Variants in PTPN12 observed in about 807,000 individuals in gnomAD.
PTPN12 encodes protein tyrosine phosphatase non-receptor type 12.
PTPN12 carries 29 observed loss-of-function variants against 97.6 expected under a neutral mutation model. The observed-to-expected ratio is 0.30, with a 90% CI of 0.22 to 0.41. The LOEUF is 0.41. Ranked by LOEUF, PTPN12 falls within the 10% of genes least tolerant of loss-of-function variation. The pLI is 1.00. For synonymous variants in PTPN12, 327 were observed against 300.4 expected (o/e 1.09, Z -0.91); for missense variants, 819 against 926.0 (o/e 0.88, Z 1.50).
At chr7:77,635,341 A>T (rs77567665) in intron 14 of PTPN12, among the ~76,000 whole-genome samples, 3 of 152,178 alleles carry the variant, frequency 2.0e-5, no homozygotes, top group Non-Finnish European at 4.4e-5. Context: ...AGATGGGAAG[A>T]TTGCCTGAGC....
chr7:77,613,838 A>G (rs1410859995), intron 11 of PTPN12, among the ~76,000 whole-genome samples: 1 of 152,110 alleles, frequency 6.6e-6, no homozygotes, highest in Non-Finnish European at 1.5e-5. Flanking sequence ...TCAGCCTCCC[A>G]AAGTGCAGGA....
intron 5 of PTPN12, among the ~76,000 whole-genome samples, chr7:77,589,212 A>G (rs2151341200): frequency 6.6e-6 from 1 of 152,232 alleles, no homozygotes. Context: ...TCTGTTTGTT[A>G]ATACCACAGT....
chr7:77,555,950 T>C (rs1408202006), intron 1 of PTPN12, among the ~76,000 whole-genome samples: 3 of 152,194 alleles, frequency 2.0e-5, no homozygotes, highest in African/African-American at 7.2e-5. Context: ...TTTTTGGTTA[T>C]TTCTTTGAAT....
rs533903332 is a variant in PTPN12, at chr7:77,554,408, C to T, written c.100-16670C>T. ...TGACAAAGTAACCCTAATTCTATCCCTTGTATCATTGCTGGCATTATCTCA... is the reference window on the plus strand; with the variant it reads ...TGACAAAGTAACCCTAATTCTATCCTTTGTATCATTGCTGGCATTATCTCA... On this transcript the variant is annotated intron_variant, in intron 1 of 17. Coordinates refer to ENST00000248594, the MANE Select transcript of PTPN12 (RefSeq NM_002835.4). Among the ~76,000 whole-genome samples, 5 of 152,308 alleles carry T rather than the reference C, an allele frequency of 3.3e-5. No homozygotes were observed. In the East Asian group the frequency reaches 7.7e-4, roughly 23 times the overall value.
At chr7:77,578,241 A>G (rs1787399350) in intron 2 of PTPN12, among the ~76,000 whole-genome samples, 1 of 152,188 alleles carries the variant, frequency 6.6e-6, no homozygotes, top group Non-Finnish European at 1.5e-5. Flanking sequence ...ATTACTGGCA[A>G]ACATGGTAAG....
intron 5 of PTPN12, 145 bp downstream of exon 5, chr7:77,585,726 A>G (rs185328708): frequency 3.4e-6 from 2 of 593,380 alleles, no homozygotes; most frequent in Admixed American, 3.4e-5. Context: ...CATACAAGGG[A>G]CAAAATAATC....
chr7:77,602,578 C>G (rs561766825), intron 8 of PTPN12, among the ~76,000 whole-genome samples: 1 of 151,616 alleles, frequency 6.6e-6, no homozygotes, highest in African/African-American at 2.4e-5. Flanking sequence ...ACCAATTACA[C>G]TACTGCACTC....
intron 9 of PTPN12, among the ~76,000 whole-genome samples, chr7:77,608,546 C>T (rs542763567): frequency 2.0e-5 from 3 of 152,150 alleles, no homozygotes; most frequent in African/African-American, 2.4e-5. Flanking sequence ...TCTAGAGAGG[C>T]GCCTTTAATC....
chr7:77,560,629 CAT>C (rs1352128169), intron 1 of PTPN12, among the ~76,000 whole-genome samples: 1 of 152,158 alleles, frequency 6.6e-6, no homozygotes, highest in Non-Finnish European at 1.5e-5. Flanking sequence ...CTAGGTGCCT[CAT>C]ATAATTAGGA....
chr7:77,564,475 T>C (rs1055785135), intron 1 of PTPN12, among the ~76,000 whole-genome samples: 5 of 152,100 alleles, frequency 3.3e-5, no homozygotes, highest in African/African-American at 1.2e-4. Flanking sequence ...GTGAACTATG[T>C]CCCAAACCTG....
chr7:77,637,383 G>C (rs1789631284), intron 16 of PTPN12, among the ~76,000 whole-genome samples: 2 of 152,100 alleles, frequency 1.3e-5, no homozygotes, highest in Non-Finnish European at 2.9e-5. Flanking sequence ...TGATGGAATT[G>C]CTTCTGTAGA....
intron 1 of PTPN12, among the ~76,000 whole-genome samples, chr7:77,568,064 T>C (rs1296491024): frequency 1.3e-5 from 2 of 152,358 alleles, no homozygotes; most frequent in East Asian, 1.9e-4. Flanking sequence ...TGGACCACTT[T>C]TGTATCTCTG....
At chr7:77,621,529 C>T (rs1330875647) in intron 12 of PTPN12, among the ~76,000 whole-genome samples, 3 of 152,110 alleles carry the variant, frequency 2.0e-5, no homozygotes, top group Non-Finnish European at 2.9e-5. Flanking sequence ...ATTAGCTGGG[C>T]GTTGTGGCGG....
intron 9 of PTPN12, among the ~76,000 whole-genome samples, chr7:77,607,596 TA>T (rs1056766717): frequency 1.3e-5 from 2 of 152,282 alleles, no homozygotes; most frequent in East Asian, 1.9e-4. Flanking sequence ...AAAATGATTA[TA>T]AAAAATAAAG....
chr7:77,563,480 T>TG (rs142320794), intron 1 of PTPN12, among the ~76,000 whole-genome samples: 102 of 152,352 alleles, frequency 6.7e-4, no homozygotes, highest in African/African-American at 2.4e-3. Flanking sequence ...AAGTGGATGA[T>TG]GGGCCTGTAT....
At chr7:77,545,516 C>A (rs1273125923) in intron 1 of PTPN12, among the ~76,000 whole-genome samples, 2 of 152,030 alleles carry the variant, frequency 1.3e-5, no homozygotes, top group East Asian at 3.9e-4. Flanking sequence ...AAGTGCTGCT[C>A]CTTTTTCAAA....
Position 77,638,664 on chromosome 7 carries a change from A to G in PTPN12, c.2214A>G (p.Glu738=), listed in dbSNP as rs774849913. ...AGGIHYEMCI[E]CPPTFSDKRE... ...GTATTCACTATGAAATGTGCATAGA[A>G]TGTCCACCTACTTTCAGTGACAAGA... The change falls in exon 17 of 18, where the codon GAA becomes GAG. Residue 738 remains glutamate, a synonymous_variant. Transcript: ENST00000248594. 5 of 1,607,530 alleles carry G rather than the reference A, an allele frequency of 3.1e-6. No homozygotes were observed. The South Asian group carries it at 5.6e-5, about 18-fold the overall frequency.
intron 1 of PTPN12, chr7:77,545,766 G>GTAC (rs1807186281): frequency 1.3e-5 from 2 of 151,992 alleles, no homozygotes; most frequent in Admixed American, 1.3e-4. Context: ...TAATGTCACA[G>GTAC]TACCTTTCCA....
chr7:77,557,965 C>G (rs370068405), intron 1 of PTPN12, among the ~76,000 whole-genome samples: 1 of 152,024 alleles, frequency 6.6e-6, no homozygotes, highest in African/African-American at 2.4e-5. Context: ...AATTCTAGCA[C>G]TTTGGGAGGC....
Sources: allele counts gnomAD v4.1 joint callset (sites outside exome capture counted in the v4.1 genomes callset), GRCh38; gene constraint gnomAD v4.1.1; transcripts MANE v1.5; gene names NCBI Gene and HGNC (gene_info 2026-07-23, HGNC 2026-07-21).